Variants in FBXL14 observed in about 807,000 individuals in gnomAD.
FBXL14 encodes F-box and leucine rich repeat protein 14.
FBXL14 carries 11 observed loss-of-function variants against 24.5 expected under a neutral mutation model. The observed-to-expected ratio is 0.45, with a 90% confidence interval of 0.28 to 0.74. The LOEUF is 0.74. Ranked by LOEUF, FBXL14 falls within the 30% of genes least tolerant of loss-of-function variation. The pLI is 0.12. For missense variants in FBXL14, 384 were observed against 545.6 expected, an observed-to-expected ratio of 0.70 and a Z score of 2.95; for synonymous variants, 294 against 240.4, an observed-to-expected ratio of 1.22 and a Z score of -2.06.
rs566453560 is a variant in FBXL14 at position 1,576,742 on chromosome 12, C to G, written c.1195-9932G>C. Among the ~76,000 whole-genome samples the G allele has an allele frequency of 2.0e-4, 31 of 152,278 alleles. No homozygotes were observed. In the South Asian group the frequency reaches 6.4e-3, roughly 32 times the overall value. Reference sequence around the variant, plus strand: ...CCACTCAAGAAAGCAGACCTCCATACGCGTAAGTGGGAGATGGTGCTCTGT... The same window carrying G: ...CCACTCAAGAAAGCAGACCTCCATAGGCGTAAGTGGGAGATGGTGCTCTGT... On this transcript the variant is annotated intron_variant, in intron 1 of 1. Coordinates refer to ENST00000339235, the MANE Select transcript of FBXL14 (RefSeq NM_152441.3).
intron 1 of FBXL14, among the ~76,000 whole-genome samples, chr12:1,583,980 A>G (rs1236087395): frequency 6.6e-6 from 1 of 152,150 alleles, no homozygotes; most frequent in Admixed American, 6.5e-5. Context: ...GAAGGAGACA[A>G]TAACAGTTTT....
intron 1 of FBXL14, among the ~76,000 whole-genome samples, chr12:1,587,710 C>T (rs1317338190): frequency 1.3e-5 from 2 of 152,060 alleles, no homozygotes; most frequent in East Asian, 3.8e-4. Context: ...TATGCATGTC[C>T]CATCTGTTTT....
In FBXL14 at chr12:1,579,020, C is replaced by A. The variant is rs371755023; in HGVS notation, c.1195-12210G>T. Reference sequence around the variant, plus strand: ...TTTGGGACAAGGAGCAGGTGTGCCTCAGCGAGCCTGTCATTATCTGGGGAG... The same window carrying A: ...TTTGGGACAAGGAGCAGGTGTGCCTAAGCGAGCCTGTCATTATCTGGGGAG... On this transcript the variant is annotated intron_variant, in intron 1 of 1. Transcript: ENST00000339235. This position sits in a 1 kb window ranked among gnomAD's most constrained non-coding sequence, Gnocchi z 4.3. Among the ~76,000 whole-genome samples, 4 of 152,152 alleles carry A rather than the reference C, an allele frequency of 2.6e-5. No individual in the cohort carries two copies. Among genetic ancestry groups the A allele is most frequent in the African/African-American group, 9.6e-5 (4 of 41,538 alleles).
Position 1,569,742 on chromosome 12 carries a change from AGTTT to A in FBXL14, c.1195-2936_1195-2933del, listed in dbSNP as rs1437447539. On this transcript the variant is annotated intron_variant, in intron 1 of 1. Transcript: ENST00000339235. The surrounding 1 kb of genome is among the most constrained non-coding windows in gnomAD (Gnocchi z 4.2). ...GCTGTTGAGCATAGCTCATCCTCGAAGTTTGTTTAATGCTCATTTTATGCTGTCC... is the reference window on the plus strand; with the variant it reads ...GCTGTTGAGCATAGCTCATCCTCGAAGTTTAATGCTCATTTTATGCTGTCC... 6.6e-6 allele frequency among the ~76,000 whole-genome samples: 1 copy of A among 152,176 alleles called. No individual in the cohort carries two copies. The highest frequency in any genetic ancestry group is 1.5e-5 in the Non-Finnish European group (1 of 68,028).
intron 1 of FBXL14, among the ~76,000 whole-genome samples, chr12:1,575,544 TCA>T (rs2094454227): frequency 6.6e-6 from 1 of 152,226 alleles, no homozygotes; most frequent in South Asian, 2.1e-4. Flanking sequence ...TACCCTGTGC[TCA>T]CAGCTCTACT....
chr12:1,582,263 GA>G lies in FBXL14; in HGVS notation c.1194+10609del, dbSNP rs1211516729. On this transcript the variant is annotated intron_variant, in intron 1 of 1. Transcript: ENST00000339235. ...AAAGAAAAAGAAAAGAAAAGAAAGA[GA>G]AAGAAAACGGAGTCCAGGAAAGCTG... Among the ~76,000 whole-genome samples, 5 of 152,246 alleles carry G rather than the reference GA, an allele frequency of 3.3e-5. No homozygotes were observed. The East Asian group carries it at 9.7e-4, about 29-fold the overall frequency.
At chr12:1,570,809 C>A (rs138903499) in intron 1 of FBXL14, among the ~76,000 whole-genome samples, 2 of 152,194 alleles carry the variant, frequency 1.3e-5, no homozygotes, top group Non-Finnish European at 2.9e-5. Context: ...GGTAGTAATT[C>A]TCCTCGGCCT....
rs774822497 is a variant in FBXL14, at chr12:1,593,656, G to A, written c.411C>T (p.Arg137=). Residue 137 remains arginine (R), a synonymous_variant, in exon 1 of 2, where the codon CGC becomes CGT. Transcript: ENST00000339235. The surrounding 1 kb of genome is among the most constrained non-coding windows in gnomAD (Gnocchi z 7.4). ...CCAGGCCCTTGAGGTACTGGGCTATGCGGCCCAGGCTGCTGTCAGTGATCT... is the reference window on the plus strand; with the variant it reads ...CCAGGCCCTTGAGGTACTGGGCTATACGGCCCAGGCTGCTGTCAGTGATCT... The part of the protein sequence containing the change: ...CKQITDSSLG[R]IAQYLKGLEV... The A allele has an allele frequency of 2.5e-6, 4 of 1,614,170 alleles. No homozygotes were observed. The highest frequency in any genetic ancestry group is 3.4e-6 in the Non-Finnish European group (4 of 1,180,028).
At position 1,593,141 on chromosome 12, in the gene FBXL14, G is replaced by A. The variant is rs1301311786; in HGVS notation, c.926C>T (p.Ser309Phe). 1.2e-6 allele frequency: 2 copies of A among 1,613,614 alleles called. No individual in the cohort carries two copies. The highest frequency in any genetic ancestry group is 1.7e-6 in the Non-Finnish European group (2 of 1,180,042). Residue 309 changes from serine to phenylalanine, a missense_variant, in exon 1 of 2, where the codon TCT (serine) becomes TTT (phenylalanine). Transcript: ENST00000339235. This position sits in a 1 kb window ranked among gnomAD's most constrained non-coding sequence, Gnocchi z 7.4. Reference sequence around the variant, plus strand: ...GATGTGGCAGGAGCAGAGGGAGAGAGACTTGAGGCCATCCAGCCCCTGGGC... The same window carrying A: ...GATGTGGCAGGAGCAGAGGGAGAGAAACTTGAGGCCATCCAGCCCCTGGGC... ...YIAQGLDGLK[S>F]LSLCSCHISD... is the part of the protein sequence containing the mutation.
intron 1 of FBXL14, among the ~76,000 whole-genome samples, chr12:1,572,630 C>T (rs139609580): frequency 1.2e-3 from 27 of 22,634 alleles, no homozygotes; most frequent in African/African-American, 2.1e-3. Flanking sequence ...GTCGGGGAAG[C>T]GGGGGGGCAG....
Position 1,593,110 on chromosome 12 carries a change from A to G in FBXL14, c.957T>C (p.Asp319=). The G allele has an allele frequency of 6.2e-7, 1 of 1,613,648 alleles. No individual in the cohort carries two copies. The highest frequency in any genetic ancestry group is 8.5e-7 in the Non-Finnish European group (1 of 1,180,036). The change falls in exon 1 of 2, where the codon GAT becomes GAC. Residue 319 remains aspartate, a synonymous_variant. Transcript: ENST00000339235. This position sits in a 1 kb window ranked among gnomAD's most constrained non-coding sequence, Gnocchi z 7.4. ...SLSLCSCHIS[D]DGINRMVRQM... ...GCCGCACCATGCGGTTGATGCCATC[A>G]TCACTGATGTGGCAGGAGCAGAGGG...
chr12:1,592,234 T>C (rs2094492064), intron 1 of FBXL14, among the ~76,000 whole-genome samples: 1 of 147,360 alleles, frequency 6.8e-6, no homozygotes, highest in Non-Finnish European at 1.5e-5. Context: ...ATATATAGAA[T>C]ATATTCAGCA....
At chr12:1,584,352 A>C (rs2094472508) in intron 1 of FBXL14, among the ~76,000 whole-genome samples, 2 of 152,216 alleles carry the variant, frequency 1.3e-5, no homozygotes, top group Admixed American at 6.5e-5. Flanking sequence ...CCCCAACTCT[A>C]AAAATCAATA....
At chr12:1,573,577 G>A (rs1190295794) in intron 1 of FBXL14, among the ~76,000 whole-genome samples, 1 of 152,214 alleles carries the variant, frequency 6.6e-6, no homozygotes, top group Non-Finnish European at 1.5e-5. Context: ...CAGCTGAGGG[G>A]CACAGAGATA....
rs2094494864 is a variant in FBXL14, at chr12:1,593,385, T to C, written c.682A>G (p.Thr228Ala). 1.7e-5 allele frequency: 27 copies of C among 1,614,024 alleles called. No homozygotes were observed. The highest frequency in any genetic ancestry group is 2.3e-5 in the Non-Finnish European group (27 of 1,180,020). ...CTGAGGTTGAGGAGCCTCAGGCCCG[T>C]CAGCCCTCGGGAGATGTGCTTTAGA... Reference protein sequence around the residue: ...LSLKHISRGLTGLRLLNLSFC... With the variant: ...LSLKHISRGLAGLRLLNLSFC... Residue 228 changes from threonine to alanine, a missense_variant, in exon 1 of 2, where the codon ACG becomes GCG. Thr to Ala is a moderately conservative substitution (Grantham distance 58). Coordinates refer to ENST00000339235, the MANE Select transcript of FBXL14 (RefSeq NM_152441.3). This position sits in a 1 kb window ranked among gnomAD's most constrained non-coding sequence, Gnocchi z 7.4.
Position 1,593,985 on chromosome 12 carries a change from C to T in FBXL14, c.82G>A (p.Ala28Thr), listed in dbSNP as rs751343296. Residue 28 changes from alanine to threonine, a missense_variant, in exon 1 of 2, where the codon GCG (alanine) becomes ACG (threonine). Physicochemically the swap from Ala to Thr is moderately conservative, Grantham distance 58. Coordinates refer to ENST00000339235, the MANE Select transcript of FBXL14 (RefSeq NM_152441.3). The surrounding 1 kb of genome is among the most constrained non-coding windows in gnomAD (Gnocchi z 7.4). ...GYLDVRDKGR[A>T]AQVCTAWRDA... ...CGCCAGGCGGTGCACACCTGCGCCG[C>T]GCGCCCCTTGTCCCGGACGTCCAGG... The T allele has an allele frequency of 5.0e-6, 8 of 1,585,216 alleles. No individual in the cohort carries two copies. The highest frequency in any genetic ancestry group is 2.7e-5 in the African/African-American group (2 of 74,710).
chr12:1,574,741 A>C (rs2094452607), intron 1 of FBXL14: 1 of 160,386 alleles, frequency 6.2e-6, no homozygotes. Flanking sequence ...GGATGTGGGC[A>C]GGAGGCTGTG....
rs1467555485 is a variant in FBXL14 at position 1,582,544 on chromosome 12, A to G, written c.1194+10329T>C. Among the ~76,000 whole-genome samples, 5 of 152,174 alleles carry G rather than the reference A, an allele frequency of 3.3e-5. No individual in the cohort carries two copies. In the East Asian group the frequency reaches 7.7e-4, roughly 23 times the overall value. On this transcript the variant is annotated intron_variant, in intron 1 of 1. Transcript: ENST00000339235. Reference sequence around the variant, plus strand: ...TTTCAGTGTAGTCACTAAGAATGGCATATTTCAGCTATTACTTTCCAAAAG... The same window carrying G: ...TTTCAGTGTAGTCACTAAGAATGGCGTATTTCAGCTATTACTTTCCAAAAG...
rs2094497489 is a variant in FBXL14 at position 1,594,442 on chromosome 12, G to GC, written c.-377dup. Among the ~76,000 whole-genome samples the GC allele has an allele frequency of 7.0e-6, 1 of 142,404 alleles. No individual in the cohort carries two copies. The highest frequency in any genetic ancestry group is 1.5e-5 in the Non-Finnish European group (1 of 64,686). The allele number at this position is 142,404 out of a possible 152,430, so 93.4% of individuals were successfully genotyped here. A position where few individuals can be genotyped will look rare whatever the true frequency, so the allele number is the denominator to read the frequency against. ...GCTCCGCCCGCGCCGCCGCGCCCACGCCCCCTGCCGCATCCTCCGCCTCCT... is the reference window on the plus strand; with the variant it reads ...GCTCCGCCCGCGCCGCCGCGCCCACGCCCCCCTGCCGCATCCTCCGCCTCCT... On this transcript the variant is annotated 5_prime_UTR_variant, in exon 1 of 2. It removes the in-frame stop codon of an upstream open reading frame in the 5' UTR. Coordinates refer to ENST00000339235, the MANE Select transcript of FBXL14 (RefSeq NM_152441.3).
Sources: allele counts gnomAD v4.1 joint callset (sites outside exome capture counted in the v4.1 genomes callset), GRCh38; gene constraint gnomAD v4.1.1; non-coding constraint Gnocchi (gnomAD v3.1); transcripts MANE v1.5; gene names NCBI Gene and HGNC (gene_info 2026-07-23, HGNC 2026-07-21).